GIGYF2: variants seen among roughly 807,000 people sequenced by gnomAD.
GIGYF2 encodes GRB10-interacting GYF protein 2.
A neutral mutation model predicts 208.1 loss-of-function variants in GIGYF2; 25 were observed. The ratio of observed to expected loss-of-function variants is 0.12; its 90% confidence interval spans 0.09 to 0.17. The LOEUF (loss-of-function observed/expected upper bound fraction) is 0.17. Among genes scored for constraint, GIGYF2 ranks in the 10% least tolerant of loss-of-function variants. The pLI, the probability that GIGYF2 is intolerant of heterozygous loss-of-function variation, is 1.00. For synonymous variants in GIGYF2, 534 were observed against 543.8 expected (o/e 0.98, Z 0.25); for missense variants, 1,302 against 1,579.4 (o/e 0.82, Z 2.98).
intron 18 of GIGYF2, 117 bp from the exon 19 acceptor site, chr2:232,815,520 T>C: frequency 1.4e-6 from 1 of 715,950 alleles, no homozygotes. Context: ...GCAAAACAGA[T>C]GTGTTTGGTG....
At position 232,858,849 on chromosome 2, in the gene GIGYF2, C is replaced by T; in HGVS notation, c.*1989C>T. On this transcript the variant is annotated 3_prime_UTR_variant, in exon 29 of 29. Transcript: ENST00000373563. Reference sequence around the variant, plus strand: ...AAATATCTTTTCTCTTTTTGACTCTCCCTTTCTGCTAACATGTGGATCAGC... The same window carrying T: ...AAATATCTTTTCTCTTTTTGACTCTTCCTTTCTGCTAACATGTGGATCAGC... 1 of 283,458 alleles carries T rather than the reference C, an allele frequency of 3.5e-6. No homozygotes were observed. The highest frequency in any genetic ancestry group is 6.9e-6 in the Non-Finnish European group (1 of 145,276). The allele number at this position is 283,458 out of a possible 1,614,324, so 17.6% of individuals were successfully genotyped here. A position where few individuals can be genotyped will look rare whatever the true frequency, so the allele number is the denominator to read the frequency against.
chr2:232,850,285 C>T lies in GIGYF2; in HGVS notation c.3708C>T (p.His1236=), dbSNP rs1287000828. The T allele has an allele frequency of 1.2e-5, 19 of 1,613,398 alleles. No individual in the cohort carries two copies. Among genetic ancestry groups the T allele is most frequent in the Non-Finnish European group, 1.6e-5 (19 of 1,179,408 alleles). Residue 1236 remains histidine, a synonymous_variant, in exon 28 of 29, where the codon CAC becomes CAT. Coordinates refer to ENST00000373563, the MANE Select transcript of GIGYF2 (RefSeq NM_001103146.3). ...AGGACTCTGTGTGGGGGATGAACCA[C>T]AGTACACTCCATTCAGTATTTCAGA... ...QQQDSVWGMN[H]STLHSVFQTN... is the part of the protein sequence containing the mutation.
intron 5 of GIGYF2, among the ~76,000 whole-genome samples, chr2:232,752,228 G>C (rs1486682605): frequency 6.6e-6 from 1 of 152,126 alleles, no homozygotes; most frequent in Non-Finnish European, 1.5e-5. Context: ...TTTGTCCTTT[G>C]AATGATCAGG....
At chr2:232,701,102 G>A (rs1434308012) in intron 1 of GIGYF2, among the ~76,000 whole-genome samples, 1 of 152,082 alleles carries the variant, frequency 6.6e-6, no homozygotes, top group Admixed American at 6.5e-5. Context: ...TTTGTGTGAG[G>A]TTGAAAGCAG....
At chr2:232,747,548 C>G in intron 3 of GIGYF2, 67 bp from the exon 4 acceptor site, 3 of 1,546,484 alleles carry the variant, frequency 1.9e-6, no homozygotes, top group Non-Finnish European at 2.7e-6. Flanking sequence ...TTTTTTTTGA[C>G]AGTGTATAGT....
At position 232,736,215 on chromosome 2, in the gene GIGYF2, A is replaced by G. The variant is rs141066543; in HGVS notation, c.41+977A>G. On this transcript the variant is annotated intron_variant, in intron 3 of 28. Transcript: ENST00000373563. ...TGGAACTCCTGTATTTTGAGAGTTT[A>G]TTTAGAACATGTTAACCTAAGTAAT... 450 of 943,254 alleles carry G rather than the reference A, an allele frequency of 4.8e-4. No homozygotes were observed. The African/African-American group carries it at 7.4e-3, about 16-fold the overall frequency. The allele number at this position is 943,254 out of a possible 1,614,324, so 58.4% of individuals were successfully genotyped here.
chr2:232,733,097 A>G lies in GIGYF2; in HGVS notation c.-43-2058A>G, dbSNP rs542746073. 2.3e-3 allele frequency among the ~76,000 whole-genome samples: 350 copies of G among 152,256 alleles called. 3 individuals are homozygous for G. Among genetic ancestry groups the G allele is most frequent in the Admixed American group, 3.9e-3 (60 of 15,296 alleles). ...TGGTGAAACCTTGTCTCTACTAAAA[A>G]TACAAAAATATTAGCCGGGTGTGGT... is the stretch of plus-strand genomic sequence containing the variant. On this transcript the variant is annotated intron_variant, in intron 2 of 28. Transcript: ENST00000373563.
intron 28 of GIGYF2, 44 bp from the exon 29 acceptor site, chr2:232,856,749 G>T (rs369277125): frequency 5.6e-6 from 7 of 1,241,730 alleles, no homozygotes; most frequent in Admixed American, 3.4e-5. Flanking sequence ...TGAGCCGCTT[G>T]GTTGCCTGGG....
At chr2:232,768,319 C>T (rs1699062703) in intron 8 of GIGYF2, 2 of 1,613,982 alleles carry the variant, frequency 1.2e-6, no homozygotes, top group Non-Finnish European at 1.7e-6. Context: ...ACAGTCTTGT[C>T]AAAATTCTCC....
At chr2:232,710,853 C>G (rs1696362003) in intron 2 of GIGYF2, among the ~76,000 whole-genome samples, 1 of 151,938 alleles carries the variant, frequency 6.6e-6, no homozygotes, top group Non-Finnish European at 1.5e-5. Context: ...GCACCCATTA[C>G]CATGTCCGGC....
intron 5 of GIGYF2, among the ~76,000 whole-genome samples, chr2:232,749,583 G>T (rs886635644): frequency 6.6e-6 from 1 of 152,052 alleles, no homozygotes; most frequent in Admixed American, 6.6e-5. Flanking sequence ...CGAATTTAGT[G>T]TTGTTCCTGT....
In GIGYF2 at chr2:232,836,281, T is replaced by C. The variant is rs368624859; in HGVS notation, c.2766+3188T>C. Among the ~76,000 whole-genome samples the C allele has an allele frequency of 8.4e-3, 56 of 6,628 alleles. 1 individual carries two copies. The highest frequency in any genetic ancestry group is 0.012 in the Admixed American group (8 of 678). The allele number at this position is 6,628 out of a possible 152,430, so 4.3% of individuals were successfully genotyped here. A position where few individuals can be genotyped will look rare whatever the true frequency, so the allele number is the denominator to read the frequency against. ...ATCTCTACATATATATATATATATA[T>C]ATATATATATATATATATATATATA... On this transcript the variant is annotated intron_variant, in intron 22 of 28. Coordinates refer to ENST00000373563, the MANE Select transcript of GIGYF2 (RefSeq NM_001103146.3).
chr2:232,770,828 C>G, intron 8 of GIGYF2: 1 of 976,492 alleles, frequency 1.0e-6, no homozygotes, highest in Admixed American at 2.0e-5. Context: ...ACTGACTATA[C>G]CCTTTCCAAA....
intron 12 of GIGYF2, 151 bp downstream of exon 12, chr2:232,791,597 AGTGCTTCTCAC>A: frequency 1.3e-6 from 1 of 742,742 alleles, no homozygotes; most frequent in Non-Finnish European, 2.3e-6. Context: ...CCAGTCAAAC[AGTGCTTCTCAC>A]GTATGTGTCC....
intron 9 of GIGYF2, among the ~76,000 whole-genome samples, chr2:232,789,774 G>T (rs529071160): frequency 1.4e-3 from 218 of 152,180 alleles, no homozygotes; most frequent in Non-Finnish European, 7.9e-4. Flanking sequence ...GTTAAAGCCT[G>T]CTTTTCTTTT....
At chr2:232,774,728 AT>A (rs1432883610) in intron 8 of GIGYF2, among the ~76,000 whole-genome samples, 1 of 152,148 alleles carries the variant, frequency 6.6e-6, no homozygotes, top group Non-Finnish European at 1.5e-5. Context: ...CTTGTTCCAC[AT>A]TTGGAGCCAC....
intron 8 of GIGYF2, among the ~76,000 whole-genome samples, chr2:232,785,074 AAAC>A (rs1699867444): frequency 6.7e-6 from 1 of 150,072 alleles, no homozygotes; most frequent in African/African-American, 2.5e-5. Flanking sequence ...CGAGCCAAAT[AAAC>A]AACTTCTTCT....
chr2:232,809,887 C>G (rs956819168), intron 16 of GIGYF2, 76 bp downstream of exon 16: 1 of 876,848 alleles, frequency 1.1e-6, no homozygotes, highest in Non-Finnish European at 2.0e-6. Flanking sequence ...CAAGTCTCAC[C>G]TTTTACAGTA....
chr2:232,840,231 A>G (rs1701775243), intron 23 of GIGYF2, among the ~76,000 whole-genome samples: 1 of 152,256 alleles, frequency 6.6e-6, no homozygotes, highest in African/African-American at 2.4e-5. Context: ...GACCTCATAA[A>G]TAAAACTACA....
Sources: allele counts gnomAD v4.1 joint callset (sites outside exome capture counted in the v4.1 genomes callset), GRCh38; gene constraint gnomAD v4.1.1; transcripts MANE v1.5; gene names NCBI Gene and HGNC (gene_info 2026-07-23, HGNC 2026-07-21).